Variants in FANCD2 observed in about 807,000 individuals in gnomAD.
FANCD2 encodes FA complementation group D2, also known as Fanconi anemia group D2 protein.
Under a neutral mutation model 192.3 loss-of-function variants are expected in FANCD2, and 131 were observed. The observed-to-expected ratio is 0.68, with a 90% CI of 0.59 to 0.79. The LOEUF is 0.79. Among genes scored for constraint, FANCD2 ranks in the 30% least tolerant of loss-of-function variants. FANCD2 has a pLI of 0.00. For synonymous variants in FANCD2, 524 were observed against 612.5 expected (o/e 0.86, Z 2.13); for missense variants, 1,508 against 1,701.6 (o/e 0.89, Z 2.00).
chr3:10,045,920 C>T (rs904070885), intron 14 of FANCD2, among the ~76,000 whole-genome samples: 3 of 151,424 alleles, frequency 2.0e-5, no homozygotes, highest in Admixed American at 2.0e-4. Context: ...CCTAGTAATA[C>T]TGAAAATACA....
chr3:10,097,266 G>A (rs377014993), intron 42 of FANCD2, among the ~76,000 whole-genome samples: 7 of 152,150 alleles, frequency 4.6e-5, no homozygotes, highest in South Asian at 2.1e-4. Flanking sequence ...CAGGAGACAG[G>A]GTTTTGAGAT....
At chr3:10,067,976 T>C (rs756347005) in intron 26 of FANCD2, among the ~76,000 whole-genome samples, 36 of 152,228 alleles carry the variant, frequency 2.4e-4, no homozygotes, top group Middle Eastern at 3.4e-3. Flanking sequence ...TTCAACATCC[T>C]TTCATCATAA....
Position 10,095,106 on chromosome 3 carries a change from T to A in FANCD2, c.3964-94T>A, listed in dbSNP as rs549444424. 2.6e-5 allele frequency: 28 copies of A among 1,076,424 alleles called. 1 individual carries two copies. In the African/African-American group the frequency reaches 3.4e-4, roughly 13 times the overall value. The allele number at this position is 1,076,424 out of a possible 1,614,324, so 66.7% of individuals were successfully genotyped here. On this transcript the variant is annotated intron_variant, in intron 40 of 43. Transcript: ENST00000675286. Reference sequence around the variant, plus strand: ...CAGCATAGGCTGGAAACTGCAGAGTTTATCCTCTTTGGAGCTTTTGATTGC... The same window carrying A: ...CAGCATAGGCTGGAAACTGCAGAGTATATCCTCTTTGGAGCTTTTGATTGC...
At chr3:10,085,748 C>T in intron 32 of FANCD2, 64 bp from the exon 33 acceptor site, 1 of 1,062,402 alleles carries the variant, frequency 9.4e-7, no homozygotes, top group African/African-American at 1.6e-5. Flanking sequence ...GGCCAGGATC[C>T]TTAAATACTA....
At chr3:10,091,379 C>CATA (rs1349833587) in intron 37 of FANCD2, among the ~76,000 whole-genome samples, 3 of 150,286 alleles carry the variant, frequency 2.0e-5, no homozygotes, top group Admixed American at 1.3e-4. Context: ...CTGCACCTGG[C>CATA]ATAAACCAGT....
intron 41 of FANCD2, 180 bp downstream of exon 41, chr3:10,095,454 G>T (rs570834893): frequency 6.8e-5 from 42 of 621,912 alleles, no homozygotes; most frequent in African/African-American, 6.4e-4. Flanking sequence ...CTCTAGAGGG[G>T]AATCTCCGCA....
intron 43 of FANCD2, 132 bp downstream of exon 43, chr3:10,098,947 A>C (rs749940072): frequency 6.2e-7 from 1 of 1,614,196 alleles, no homozygotes; most frequent in African/African-American, 1.3e-5. Flanking sequence ...CATTCCCTCC[A>C]TAACAGCTTC....
rs1055792886 is a variant in FANCD2, at chr3:10,030,184, C to A, written c.64+1463C>A. Among the ~76,000 whole-genome samples, 11 of 151,720 alleles carry A rather than the reference C, an allele frequency of 7.3e-5. No homozygotes were observed. The East Asian group carries it at 2.1e-3, about 29-fold the overall frequency. ...CAATCTTGGCTCACTGCAACCTCCG[C>A]CTCCCGGGTTCAAGCGATTCTCCTG... On this transcript the variant is annotated intron_variant, in intron 2 of 43. Transcript: ENST00000675286.
rs377721420 is a variant in FANCD2 at position 10,071,838 on chromosome 3, C to T, written c.2495-1033C>T. ...GCAGTGGCACAGTCTCGGCTTACTGCGACCTCTGCCTCCTGGGTTCAAGCA... is the reference window on the plus strand; with the variant it reads ...GCAGTGGCACAGTCTCGGCTTACTGTGACCTCTGCCTCCTGGGTTCAAGCA... On this transcript the variant is annotated intron_variant, in intron 26 of 43. Coordinates refer to ENST00000675286, the MANE Select transcript of FANCD2 (RefSeq NM_001018115.3). Among the ~76,000 whole-genome samples, 5 of 152,288 alleles carry T rather than the reference C, an allele frequency of 3.3e-5. No individual in the cohort carries two copies. The South Asian group carries it at 8.3e-4, about 25-fold the overall frequency.
chr3:10,057,292 G>A (rs2087440275), intron 18 of FANCD2, among the ~76,000 whole-genome samples: 1 of 151,850 alleles, frequency 6.6e-6, no homozygotes, highest in South Asian at 2.1e-4. Context: ...TCCCTTGATA[G>A]TGTCCTTTGA....
At chr3:10,046,831 G>T in intron 15 of FANCD2, 108 bp downstream of exon 15, 1 of 988,000 alleles carries the variant, frequency 1.0e-6, no homozygotes, top group Non-Finnish European at 1.6e-6. Flanking sequence ...TGAGATTTTT[G>T]AATTTTGTTT....
intron 7 of FANCD2, among the ~76,000 whole-genome samples, chr3:10,039,066 T>G (rs2086798230): frequency 6.6e-6 from 1 of 152,228 alleles, no homozygotes; most frequent in South Asian, 2.1e-4. Context: ...ACTGTTCATA[T>G]TTAGCATGTC....
chr3:10,048,940 A>T (rs35670565), intron 16 of FANCD2, among the ~76,000 whole-genome samples: 1 of 142,714 alleles, frequency 7.0e-6, no homozygotes, highest in Non-Finnish European at 1.5e-5. Flanking sequence ...ACACTGTCAT[A>T]ATCCATGTTT....
intron 14 of FANCD2, 63 bp from the exon 15 acceptor site, chr3:10,046,517 C>T: frequency 1.2e-6 from 2 of 1,602,268 alleles, no homozygotes; most frequent in East Asian, 2.2e-5. Flanking sequence ...GCTGCTGTTT[C>T]ATTGTAGCAA....
intron 2 of FANCD2, among the ~76,000 whole-genome samples, chr3:10,031,459 G>A (rs34067296): frequency 0.012 from 1,822 of 147,600 alleles, 39 homozygotes; most frequent in South Asian, 0.053. Context: ...CCAAGATCGC[G>A]CCACTGCACT....
intron 32 of FANCD2, among the ~76,000 whole-genome samples, chr3:10,084,360 C>T (rs1451985676): frequency 6.6e-6 from 1 of 151,270 alleles, no homozygotes; most frequent in Non-Finnish European, 1.5e-5. Flanking sequence ...AACACAATCA[C>T]AGCTCACTGC....
intron 15 of FANCD2, among the ~76,000 whole-genome samples, chr3:10,047,181 T>C: frequency 6.6e-6 from 1 of 152,426 alleles, no homozygotes; most frequent in Non-Finnish European, 1.5e-5. Context: ...TAGGAGCTAA[T>C]GAGAATACCT....
chr3:10,054,353 GTATATATA>G (rs1238756623), intron 18 of FANCD2, among the ~76,000 whole-genome samples: 4 of 103,204 alleles, frequency 3.9e-5, no homozygotes, highest in South Asian at 2.8e-4. Flanking sequence ...ATATATATAC[GTATATATA>G]TATATACGTG....
intron 19 of FANCD2, among the ~76,000 whole-genome samples, chr3:10,061,384 CATT>C (rs1396037931): frequency 6.6e-6 from 1 of 152,208 alleles, no homozygotes; most frequent in African/African-American, 2.4e-5. Flanking sequence ...CTGTGACACA[CATT>C]AATAATGGGA....
Sources: gnomAD v4.1 joint callset for allele counts (sites outside exome capture counted in the v4.1 genomes callset) on GRCh38, gnomAD v4.1.1 for gene constraint, MANE v1.5 for transcripts, NCBI Gene and HGNC (gene_info 2026-07-23, HGNC 2026-07-21) for gene names.